The following CTDSPL2 variants were observed in gnomAD, a reference collection of about 807,000 sequenced individuals.
CTDSPL2 encodes the protein CTD small phosphatase-like protein 2.
CTDSPL2 carries 5 observed loss-of-function variants against 60.0 expected under a neutral mutation model. The ratio of observed to expected loss-of-function variants is 0.08; its 90% confidence interval spans 0.04 to 0.18. The LOEUF is 0.18. Among genes scored for constraint, CTDSPL2 ranks in the 10% least tolerant of loss-of-function variants. CTDSPL2 has a pLI of 1.00. For missense variants in CTDSPL2, 370 were observed against 548.8 expected (o/e 0.67, Z 3.26); for synonymous variants, 186 against 189.3 (o/e 0.98, Z 0.14).
rs1784853397 is a variant in CTDSPL2, at chr15:44,526,362, T to C, written c.*2188T>C. The C allele has an allele frequency of 6.6e-6, 1 of 152,152 alleles. No individual in the cohort carries two copies. The highest frequency in any genetic ancestry group is 2.1e-4 in the South Asian group (1 of 4,836). The allele number at this position is 152,152 out of a possible 1,614,324, so 9.4% of individuals were successfully genotyped here. ...GGCTTTCCCATAATCTAAAGGGAAA[T>C]GTAAGCACCTATACTCTTGTGCCTG... is the stretch of plus-strand genomic sequence containing the variant. On this transcript the variant is annotated 3_prime_UTR_variant, in exon 13 of 13. Coordinates refer to ENST00000260327, the MANE Select transcript of CTDSPL2 (RefSeq NM_016396.3).
chr15:44,495,074 C>T (rs1212351292), intron 5 of CTDSPL2, among the ~76,000 whole-genome samples: 13 of 152,240 alleles, frequency 8.5e-5, no homozygotes, highest in African/African-American at 3.1e-4. Context: ...CGGGTTCAAG[C>T]GATTCTTCTG....
chr15:44,439,475 G>A (rs1050631918), intron 1 of CTDSPL2, among the ~76,000 whole-genome samples: 2 of 151,504 alleles, frequency 1.3e-5, no homozygotes, highest in African/African-American at 4.9e-5. Context: ...ATTTTTTACT[G>A]ATACAGGTTG....
In CTDSPL2 at chr15:44,497,023, A is replaced by G. The variant is rs1219537597; in HGVS notation, c.771-4A>G. 3 of 1,523,820 alleles carry G rather than the reference A, an allele frequency of 2.0e-6. No individual in the cohort carries two copies. Among genetic ancestry groups the G allele is most frequent in the East Asian group, 2.3e-5 (1 of 44,304 alleles). The allele number at this position is 1,523,820 out of a possible 1,614,324, so 94.4% of individuals were successfully genotyped here. A position where few individuals can be genotyped will look rare whatever the true frequency, so the allele number is the denominator to read the frequency against. On this transcript the variant is annotated splice_polypyrimidine_tract_variant and splice_region_variant and intron_variant, in intron 6 of 12. Coordinates refer to ENST00000260327, the MANE Select transcript of CTDSPL2 (RefSeq NM_016396.3). ...TTGAAATTTTCTTAAAATCTGATTT[A>G]TAGCTATTATTTCATCAAACATGTC... is the stretch of plus-strand genomic sequence containing the variant.
At chr15:44,479,110 G>C (rs910087020) in intron 2 of CTDSPL2, among the ~76,000 whole-genome samples, 2 of 151,220 alleles carry the variant, frequency 1.3e-5, no homozygotes, top group African/African-American at 4.9e-5. Context: ...TCCCTTGCCA[G>C]GTGTGCTGGC....
At chr15:44,478,436 G>GAGCA (rs1408067297) in intron 2 of CTDSPL2, among the ~76,000 whole-genome samples, 2 of 91,570 alleles carry the variant, frequency 2.2e-5, no homozygotes, top group East Asian at 7.4e-4. Context: ...TGGGCAAGAA[G>GAGCA]AGCAAGACTC....
Position 44,455,815 on chromosome 15 carries a change from C to T in CTDSPL2, c.-24-3176C>T, listed in dbSNP as rs575898056. 2.0e-4 allele frequency among the ~76,000 whole-genome samples: 25 copies of T among 126,418 alleles called. No homozygotes were observed. The South Asian group carries it at 5.8e-3, about 29-fold the overall frequency. 82.9% of individuals were successfully genotyped at this position (126,418 alleles called of 152,430 possible). ...AAGCTTTTTGATGTGCTGCTGCATT[C>T]GGTTTGCCAGTATTTTATTGAGGAT... On this transcript the variant is annotated intron_variant, in intron 1 of 12. Transcript: ENST00000260327.
chr15:44,430,501 C>T lies in CTDSPL2; in HGVS notation c.-25+2729C>T, dbSNP rs151304532. On this transcript the variant is annotated intron_variant, in intron 1 of 12. Transcript: ENST00000260327. ...GCTACAAGCAATCGTCCTGCCTCAGCCTCCCAAAGTGCTGGGAAGACGGGT... is the reference window on the plus strand; with the variant it reads ...GCTACAAGCAATCGTCCTGCCTCAGTCTCCCAAAGTGCTGGGAAGACGGGT... Among the ~76,000 whole-genome samples, 333 of 152,242 alleles carry T rather than the reference C, an allele frequency of 2.2e-3. 1 individual carries two copies. The highest frequency in any genetic ancestry group is 7.7e-3 in the African/African-American group (321 of 41,546).
At chr15:44,482,334 A>G (rs2081043542) in intron 2 of CTDSPL2, among the ~76,000 whole-genome samples, 1 of 152,148 alleles carries the variant, frequency 6.6e-6, no homozygotes, top group Admixed American at 6.5e-5. Context: ...TATGGTTACA[A>G]AGTTACAGGG....
chr15:44,454,085 C>A (rs1416567032), intron 1 of CTDSPL2, among the ~76,000 whole-genome samples: 1 of 152,170 alleles, frequency 6.6e-6, no homozygotes, highest in East Asian at 1.9e-4. Flanking sequence ...TCTCCAGCAC[C>A]TGTTGTTTCC....
rs546372617 is a variant in CTDSPL2 at position 44,525,363 on chromosome 15, G to C, written c.*1189G>C. 2 of 398,768 alleles carry C rather than the reference G, an allele frequency of 5.0e-6. No homozygotes were observed. The highest frequency in any genetic ancestry group is 2.1e-5 in the African/African-American group (1 of 48,724). 24.7% of individuals were successfully genotyped at this position (398,768 alleles called of 1,614,324 possible). A position where few individuals can be genotyped will look rare whatever the true frequency, so the allele number is the denominator to read the frequency against. On this transcript the variant is annotated 3_prime_UTR_variant, in exon 13 of 13. Coordinates refer to ENST00000260327, the MANE Select transcript of CTDSPL2 (RefSeq NM_016396.3). ...TATATGAAAATAGTCTTCAAGCCTT[G>C]GTTCTCTAATGCAGCTACCACAAGA...
chr15:44,434,759 A>G (rs938038750), intron 1 of CTDSPL2, among the ~76,000 whole-genome samples: 39 of 152,184 alleles, frequency 2.6e-4, no homozygotes, highest in African/African-American at 8.9e-4. Context: ...AGAAAACCCT[A>G]TAATTTTATC....
intron 4 of CTDSPL2, among the ~76,000 whole-genome samples, chr15:44,487,537 T>C (rs1349391001): frequency 6.6e-6 from 1 of 151,984 alleles, no homozygotes; most frequent in East Asian, 1.9e-4. Flanking sequence ...ACAAAAGGCT[T>C]GAAAGAAAAG....
chr15:44,473,323 T>A (rs2080848229), intron 2 of CTDSPL2, among the ~76,000 whole-genome samples: 2 of 152,098 alleles, frequency 1.3e-5, no homozygotes, highest in African/African-American at 4.8e-5. Flanking sequence ...TGAGATGTAA[T>A]CTCGCTCTAT....
chr15:44,450,997 A>G (rs1407933040), intron 1 of CTDSPL2, among the ~76,000 whole-genome samples: 2 of 152,196 alleles, frequency 1.3e-5, no homozygotes, highest in Admixed American at 6.5e-5. Context: ...TGATTAAAAT[A>G]CTTATACATG....
chr15:44,469,486 A>G (rs192940734), intron 2 of CTDSPL2, among the ~76,000 whole-genome samples: 1 of 151,958 alleles, frequency 6.6e-6, no homozygotes, highest in East Asian at 1.9e-4. Flanking sequence ...TCCTTTCTCT[A>G]TATGCCATAT....
intron 1 of CTDSPL2, among the ~76,000 whole-genome samples, chr15:44,431,674 A>G (rs1705437643): frequency 6.6e-6 from 1 of 151,938 alleles, no homozygotes; most frequent in South Asian, 2.1e-4. Context: ...AGATAAGGAA[A>G]CATAGGAGAG....
chr15:44,461,103 T>G (rs999413954), intron 2 of CTDSPL2, among the ~76,000 whole-genome samples: 9 of 152,240 alleles, frequency 5.9e-5, no homozygotes, highest in African/African-American at 2.2e-4. Flanking sequence ...ATATGACATA[T>G]GATATTTATC....
chr15:44,462,683 A>AACTAGAAC (rs1421193355), intron 2 of CTDSPL2, among the ~76,000 whole-genome samples: 3 of 148,590 alleles, frequency 2.0e-5, no homozygotes, highest in Admixed American at 6.7e-5. Context: ...GGGACTCTTG[A>AACTAGAAC]ACTAGAACAC....
intron 1 of CTDSPL2, among the ~76,000 whole-genome samples, chr15:44,450,037 G>T (rs1014844421): frequency 2.0e-5 from 3 of 151,638 alleles, no homozygotes; most frequent in Admixed American, 2.0e-4. Context: ...ATGAAATAAT[G>T]ATCCTTATGT....
Sources: gnomAD v4.1 joint callset for allele counts (sites outside exome capture counted in the v4.1 genomes callset) on GRCh38, gnomAD v4.1.1 for gene constraint, MANE v1.5 for transcripts, NCBI Gene and HGNC (gene_info 2026-07-23, HGNC 2026-07-21) for gene names.